SUSD6: variants seen among roughly 807,000 people sequenced by gnomAD.
SUSD6 encodes sushi domain-containing protein 6.
In SUSD6, 16 loss-of-function variants were observed where a neutral mutation model predicts 28.4. That is an observed-to-expected ratio of 0.56 (90% CI 0.38 to 0.86). SUSD6 has a LOEUF of 0.86. Among genes scored for constraint, SUSD6 ranks in the 40% least tolerant of loss-of-function variants. The pLI is 0.00. For synonymous variants in SUSD6, 147 were observed against 159.6 expected, an observed-to-expected ratio of 0.92 and a Z score of 0.59; for missense variants, 341 against 384.2, an observed-to-expected ratio of 0.89 and a Z score of 0.94.
intron 3 of SUSD6, chr14:69,703,811 G>A (rs1436190928): frequency 3.4e-6 from 2 of 588,666 alleles, no homozygotes; most frequent in African/African-American, 3.7e-5. Flanking sequence ...CATCTGCCCT[G>A]CTCTGTAAAG....
chr14:69,614,611 A>G (rs192467654), intron 1 of SUSD6, among the ~76,000 whole-genome samples: 9 of 152,190 alleles, frequency 5.9e-5, no homozygotes, highest in Non-Finnish European at 1.0e-4. Context: ...TTTTGCTTCA[A>G]ATATTTTCTT....
intron 2 of SUSD6, among the ~76,000 whole-genome samples, chr14:69,662,024 T>C (rs1426701610): frequency 6.6e-6 from 1 of 152,156 alleles, no homozygotes; most frequent in Non-Finnish European, 1.5e-5. Flanking sequence ...GCTGAAGTGA[T>C]CCTCTCCCCT....
chr14:69,693,872 T>C (rs1886186924), intron 2 of SUSD6, among the ~76,000 whole-genome samples: 1 of 152,204 alleles, frequency 6.6e-6, no homozygotes, highest in Non-Finnish European at 1.5e-5. Context: ...AGGCAGTGTA[T>C]TTTCACAGTT....
chr14:69,688,389 C>T (rs182287807), intron 2 of SUSD6, among the ~76,000 whole-genome samples: 7 of 152,318 alleles, frequency 4.6e-5, no homozygotes, highest in Admixed American at 4.6e-4. Flanking sequence ...AGAGCTCATG[C>T]ATGCATGCAG....
intron 1 of SUSD6, among the ~76,000 whole-genome samples, chr14:69,632,062 T>C (rs919707809): frequency 1.2e-4 from 18 of 152,344 alleles, no homozygotes; most frequent in African/African-American, 4.3e-4. Context: ...ATTGTACTTT[T>C]CCTTTGTAAA....
intron 2 of SUSD6, among the ~76,000 whole-genome samples, chr14:69,687,205 C>T (rs1164653334): frequency 2.6e-5 from 4 of 152,202 alleles, no homozygotes; most frequent in East Asian, 1.9e-4. Context: ...GAACTCCTGA[C>T]TTCAGGTAAT....
chr14:69,632,001 T>C (rs961361974), intron 1 of SUSD6, among the ~76,000 whole-genome samples: 1 of 152,254 alleles, frequency 6.6e-6, no homozygotes, highest in Non-Finnish European at 1.5e-5. Flanking sequence ...TTCTTCATTC[T>C]GGGCTTTTTC....
At chr14:69,678,612 G>A (rs1054867444) in intron 2 of SUSD6, among the ~76,000 whole-genome samples, 1 of 151,974 alleles carries the variant, frequency 6.6e-6, no homozygotes, top group Admixed American at 6.6e-5. Context: ...AGACCAGCCT[G>A]GCCAACATGA....
intron 1 of SUSD6, among the ~76,000 whole-genome samples, chr14:69,622,656 C>T (rs767178219): frequency 3.9e-5 from 6 of 152,012 alleles, no homozygotes; most frequent in African/African-American, 1.2e-4. Flanking sequence ...TGCAGTGGTG[C>T]GATCTCGGCT....
At chr14:69,659,657 A>G (rs923912212) in intron 2 of SUSD6, among the ~76,000 whole-genome samples, 1 of 152,198 alleles carries the variant, frequency 6.6e-6, no homozygotes, top group African/African-American at 2.4e-5. Context: ...AGCTGGGACT[A>G]CAGGCTCATG....
At chr14:69,632,130 A>G (rs1360456085) in intron 1 of SUSD6, among the ~76,000 whole-genome samples, 1 of 152,242 alleles carries the variant, frequency 6.6e-6, no homozygotes, top group Non-Finnish European at 1.5e-5. Flanking sequence ...GTTTTAAGAC[A>G]TGACAAATTA....
At chr14:69,667,501 C>T (rs1169612093) in intron 2 of SUSD6, among the ~76,000 whole-genome samples, 1 of 151,236 alleles carries the variant, frequency 6.6e-6, no homozygotes, top group East Asian at 1.9e-4. Flanking sequence ...CTCAGCCTCC[C>T]GAGTAGCTGG....
intron 2 of SUSD6, among the ~76,000 whole-genome samples, chr14:69,689,002 C>T (rs138702091): frequency 1.2e-4 from 18 of 152,338 alleles, no homozygotes; most frequent in Non-Finnish European, 1.5e-4. Context: ...CATTTGCTAA[C>T]TTCTCCGTAC....
chr14:69,628,879 G>A (rs747275757), intron 1 of SUSD6, among the ~76,000 whole-genome samples: 2 of 151,868 alleles, frequency 1.3e-5, no homozygotes, highest in Non-Finnish European at 2.9e-5. Flanking sequence ...GCTAATTTTT[G>A]TATTTTTTGA....
chr14:69,695,980 C>A (rs186338232), intron 2 of SUSD6, among the ~76,000 whole-genome samples: 1 of 152,322 alleles, frequency 6.6e-6, no homozygotes, highest in East Asian at 1.9e-4. Context: ...AGGGGAATCA[C>A]CTCCCCTTTG....
intron 4 of SUSD6, among the ~76,000 whole-genome samples, chr14:69,707,691 A>C (rs1343876921): frequency 6.6e-6 from 1 of 152,136 alleles, no homozygotes; most frequent in East Asian, 1.9e-4. Flanking sequence ...AGGCTGCAGT[A>C]GGTTGTGATC....
intron 1 of SUSD6, among the ~76,000 whole-genome samples, chr14:69,648,195 T>C (rs1885455067): frequency 6.6e-6 from 1 of 152,184 alleles, no homozygotes; most frequent in African/African-American, 2.4e-5. Flanking sequence ...ATACTTAAAA[T>C]ATCCCTGTGA....
intron 2 of SUSD6, among the ~76,000 whole-genome samples, chr14:69,660,795 T>C (rs1885650641): frequency 6.6e-6 from 1 of 152,208 alleles, no homozygotes; most frequent in Non-Finnish European, 1.5e-5. Flanking sequence ...GTCTATAAAG[T>C]TTTATTGGAA....
chr14:69,648,032 C>T (rs915893011), intron 1 of SUSD6, among the ~76,000 whole-genome samples: 1 of 152,078 alleles, frequency 6.6e-6, no homozygotes, highest in African/African-American at 2.4e-5. Context: ...AGAAGCTCTT[C>T]AAGTAGAGAT....
Sources: gnomAD v4.1 joint callset for allele counts (sites outside exome capture counted in the v4.1 genomes callset) on GRCh38, gnomAD v4.1.1 for gene constraint, MANE v1.5 for transcripts, NCBI Gene and HGNC (gene_info 2026-07-23, HGNC 2026-07-21) for gene names.